Variants in GPAT3 observed in about 807,000 individuals in gnomAD.
GPAT3 encodes 1-AGP acyltransferase 9.
In GPAT3, 53 loss-of-function variants were observed where a neutral mutation model predicts 58.8. The ratio of observed to expected loss-of-function variants is 0.90; its 90% CI spans 0.72 to 1.13. GPAT3 has a LOEUF of 1.13. Ranked by LOEUF, GPAT3 falls within the 50% of genes most tolerant of loss-of-function variation. GPAT3 has a pLI of 0.00. For synonymous variants in GPAT3, 197 were observed against 187.4 expected, an observed-to-expected ratio of 1.05 and a Z score of -0.42; for missense variants, 511 against 527.6, an observed-to-expected ratio of 0.97 and a Z score of 0.31.
chr4:83,597,527 AC>A lies in GPAT3; in HGVS notation c.996+14del. 6.9e-7 allele frequency: 1 copy of A among 1,452,602 alleles called. No homozygotes were observed. The highest frequency in any genetic ancestry group is 9.4e-7 in the Non-Finnish European group (1 of 1,069,038). The allele number at this position is 1,452,602 out of a possible 1,614,324, so 90.0% of individuals were successfully genotyped here. ...CAGTTGCAATTAAGGTAAAACAGAT[AC>A]CATAATAAGAATAATAATTATTATA... On this transcript the variant is annotated intron_variant, in intron 9 of 11. Transcript: ENST00000264409.
chr4:83,566,857 C>T (rs1725414430), intron 2 of GPAT3, among the ~76,000 whole-genome samples: 1 of 148,992 alleles, frequency 6.7e-6, no homozygotes, highest in African/African-American at 2.5e-5. Flanking sequence ...CTAAAATTTT[C>T]CTCAGATAGG....
chr4:83,559,011 A>G (rs1725036183), intron 2 of GPAT3, among the ~76,000 whole-genome samples: 1 of 152,260 alleles, frequency 6.6e-6, no homozygotes. Flanking sequence ...TGGAAATAAA[A>G]GAATTATATT....
intron 2 of GPAT3, among the ~76,000 whole-genome samples, chr4:83,577,968 T>A (rs1206990977): frequency 6.6e-6 from 1 of 151,780 alleles, no homozygotes; most frequent in African/African-American, 2.4e-5. Context: ...CCTGGCTAAT[T>A]TTTTGTATTT....
chr4:83,574,010 A>C lies in GPAT3; in HGVS notation c.209-7552A>C, dbSNP rs924907904. 2.0e-5 allele frequency among the ~76,000 whole-genome samples: 3 copies of C among 152,198 alleles called. No homozygotes were observed. The East Asian group carries it at 5.8e-4, about 29-fold the overall frequency. The stretch of plus-strand genomic sequence containing the variant: ...AAACATTTCCTATAGAAACAGTGTT[A>C]AGAGAGACTTTCTATTTCATGCTAT... On this transcript the variant is annotated intron_variant, in intron 2 of 11. Transcript: ENST00000264409.
intron 11 of GPAT3, among the ~76,000 whole-genome samples, chr4:83,603,790 C>CA (rs58399873): frequency 0.02 from 2,445 of 119,944 alleles, 32 homozygotes; most frequent in East Asian, 0.023. Context: ...AACTCTGTCT[C>CA]AAAAAAAAAA....
At chr4:83,588,815 A>G (rs1726482819) in intron 5 of GPAT3, among the ~76,000 whole-genome samples, 1 of 152,246 alleles carries the variant, frequency 6.6e-6, no homozygotes, top group Non-Finnish European at 1.5e-5. Flanking sequence ...CCTTAAAACA[A>G]AATTCTGCTT....
rs1264859685 is a variant in GPAT3, at chr4:83,598,122, G to T, written c.1068G>T (p.Met356Ile). ...KYNMVSYLLR[M>I]MTSWAIVCDV... ...ACATGGTGAGCTACCTGCTTCGAATGATGACCAGCTGGGCCATCGTCTGTG... is the reference window on the plus strand; with the variant it reads ...ACATGGTGAGCTACCTGCTTCGAATTATGACCAGCTGGGCCATCGTCTGTG... The change falls in exon 10 of 12, where the codon ATG becomes ATT. Residue 356 changes from methionine to isoleucine, a missense_variant. Coordinates refer to ENST00000264409, the MANE Select transcript of GPAT3 (RefSeq NM_032717.5). The T allele has an allele frequency of 3.1e-6, 5 of 1,613,718 alleles. No homozygotes were observed. The highest frequency in any genetic ancestry group is 4.2e-6 in the Non-Finnish European group (5 of 1,179,852).
chr4:83,571,374 C>T (rs1216130309), intron 2 of GPAT3, among the ~76,000 whole-genome samples: 1 of 152,092 alleles, frequency 6.6e-6, no homozygotes, highest in African/African-American at 2.4e-5. Flanking sequence ...TTTGTGCACT[C>T]TCAGCAGCAA....
intron 2 of GPAT3, among the ~76,000 whole-genome samples, chr4:83,549,010 A>C (rs1423328063): frequency 6.6e-6 from 1 of 152,122 alleles, no homozygotes; most frequent in Non-Finnish European, 1.5e-5. Context: ...AATCTTATAC[A>C]TTCACAGAAA....
intron 11 of GPAT3, among the ~76,000 whole-genome samples, chr4:83,599,756 T>G (rs998044802): frequency 1.3e-5 from 2 of 152,192 alleles, no homozygotes; most frequent in Admixed American, 6.5e-5. Context: ...TTAGTCTGCT[T>G]GGGCTGCCAG....
chr4:83,545,893 T>C (rs895804439), intron 2 of GPAT3, among the ~76,000 whole-genome samples: 1 of 152,148 alleles, frequency 6.6e-6, no homozygotes, highest in African/African-American at 2.4e-5. Flanking sequence ...AGAAAATCAG[T>C]GGGCCTTAAT....
At chr4:83,558,560 G>A (rs1048037443) in intron 2 of GPAT3, among the ~76,000 whole-genome samples, 1 of 152,184 alleles carries the variant, frequency 6.6e-6, no homozygotes, top group African/African-American at 2.4e-5. Flanking sequence ...GGATATACTG[G>A]TGTTGAAGCG....
chr4:83,590,915 G>A (rs1269842789), intron 6 of GPAT3, among the ~76,000 whole-genome samples: 1 of 120,690 alleles, frequency 8.3e-6, no homozygotes, highest in African/African-American at 3.1e-5. Context: ...TCAAATCTGT[G>A]TTTTCTGTTG....
intron 2 of GPAT3, among the ~76,000 whole-genome samples, chr4:83,551,897 TG>T (rs1175286211): frequency 6.6e-6 from 1 of 151,948 alleles, no homozygotes; most frequent in Non-Finnish European, 1.5e-5. Context: ...AACTCATCTT[TG>T]GGGGGTTACA....
At chr4:83,592,384 A>G (rs1726635673) in intron 6 of GPAT3, among the ~76,000 whole-genome samples, 1 of 152,226 alleles carries the variant, frequency 6.6e-6, no homozygotes, top group Non-Finnish European at 1.5e-5. Flanking sequence ...TAGCCTCCAG[A>G]CATCATAATT....
chr4:83,580,693 T>C (rs1158251615), intron 2 of GPAT3, among the ~76,000 whole-genome samples: 2 of 152,208 alleles, frequency 1.3e-5, no homozygotes, highest in African/African-American at 2.4e-5. Context: ...ATTTCCTTTT[T>C]CACTAGTGAA....
At chr4:83,564,830 C>CT (rs1725325126) in intron 2 of GPAT3, among the ~76,000 whole-genome samples, 1 of 152,108 alleles carries the variant, frequency 6.6e-6, no homozygotes, top group Non-Finnish European at 1.5e-5. Flanking sequence ...TATATATAGT[C>CT]TAATTTATCA....
chr4:83,603,451 A>G (rs1727138876), intron 11 of GPAT3, among the ~76,000 whole-genome samples: 1 of 152,218 alleles, frequency 6.6e-6, no homozygotes, highest in African/African-American at 2.4e-5. Context: ...CTGTTTTGGA[A>G]TATAAATGAT....
intron 2 of GPAT3, among the ~76,000 whole-genome samples, chr4:83,565,709 G>A (rs1443797896): frequency 2.0e-5 from 3 of 152,122 alleles, no homozygotes; most frequent in Admixed American, 6.6e-5. Flanking sequence ...TGGGTACCCC[G>A]AGTCCGGCGG....
Sources: gnomAD v4.1 joint callset for allele counts (sites outside exome capture counted in the v4.1 genomes callset) on GRCh38, gnomAD v4.1.1 for gene constraint, MANE v1.5 for transcripts, NCBI Gene and HGNC (gene_info 2026-07-23, HGNC 2026-07-21) for gene names.